KCNQ1: variants seen among roughly 807,000 people sequenced by gnomAD.
The protein encoded by KCNQ1 is potassium voltage-gated channel subfamily KQT member 1.
KCNQ1 carries 49 observed loss-of-function variants against 72.4 expected under a neutral mutation model. The observed-to-expected ratio is 0.68, with a 90% confidence interval of 0.54 to 0.86. The LOEUF is 0.86. Ranked by LOEUF, KCNQ1 falls within the 40% of genes least tolerant of loss-of-function variation. The probability of loss-of-function intolerance (pLI) is 0.00; values close to 1 mark genes in which losing one functional copy is unlikely to be tolerated. For missense variants in KCNQ1, 790 were observed against 945.1 expected (o/e 0.84, Z 2.15); for synonymous variants, 450 against 412.6 (o/e 1.09, Z -1.10).
At chr11:2,524,456 T>C (rs1319555168) in intron 1 of KCNQ1, among the ~76,000 whole-genome samples, 1 of 152,180 alleles carries the variant, frequency 6.6e-6, no homozygotes, top group East Asian at 1.9e-4. Context: ...GGCAGTGATG[T>C]CACAGTCTGG....
intron 1 of KCNQ1, among the ~76,000 whole-genome samples, chr11:2,513,079 C>G (rs952102227): frequency 6.6e-6 from 1 of 152,042 alleles, no homozygotes; most frequent in East Asian, 1.9e-4. Flanking sequence ...AGAGAGCTCC[C>G]GAGGAGAAAG....
intron 2 of KCNQ1, among the ~76,000 whole-genome samples, chr11:2,569,096 G>T (rs1353737248): frequency 2.6e-5 from 4 of 152,160 alleles, no homozygotes; most frequent in African/African-American, 9.7e-5. Context: ...ATGTTGATCA[G>T]GCTGGTCTTG....
chr11:2,712,453 G>A lies in KCNQ1; in HGVS notation c.1514+50372G>A, dbSNP rs2133919294. 6.6e-6 allele frequency among the ~76,000 whole-genome samples: 1 copy of A among 152,318 alleles called. No individual in the cohort carries two copies. On this transcript the variant is annotated intron_variant, in intron 11 of 15. Coordinates refer to ENST00000155840, the MANE Select transcript of KCNQ1 (RefSeq NM_000218.3). The surrounding 1 kb of genome is among the most constrained non-coding windows in gnomAD (Gnocchi z 6.4). ...CTGGAAAGCTGTGGGGAGACTCAGA[G>A]CAGAGCCCCCAGTAATCATAGTGAG... is the stretch of plus-strand genomic sequence containing the variant.
intron 11 of KCNQ1, chr11:2,684,667 G>A (rs1397583480): frequency 5.0e-6 from 2 of 398,552 alleles, no homozygotes; most frequent in African/African-American, 4.1e-5. Context: ...CTTGTTGGAT[G>A]TGCAGGGAGC....
chr11:2,763,053 C>T (rs978516686), intron 11 of KCNQ1, among the ~76,000 whole-genome samples: 1 of 152,142 alleles, frequency 6.6e-6, no homozygotes, highest in African/African-American at 2.4e-5. Flanking sequence ...ATCACCTTGT[C>T]GGTTTCCAAT....
rs576741620 is a variant in KCNQ1 at position 2,750,537 on chromosome 11, G to A, written c.1515-18307G>A. 1.1e-4 allele frequency among the ~76,000 whole-genome samples: 17 copies of A among 152,206 alleles called. No individual in the cohort carries two copies. The highest frequency in any genetic ancestry group is 3.1e-4 in the African/African-American group (13 of 41,444). On this transcript the variant is annotated intron_variant, in intron 11 of 15. Coordinates refer to ENST00000155840, the MANE Select transcript of KCNQ1 (RefSeq NM_000218.3). This position sits in a 1 kb window ranked among gnomAD's most constrained non-coding sequence, Gnocchi z 6.3. ...CCTCTCCTGCCTGGTAACCCTCTCT[G>A]CAGAGGCCCTGGCTGGACCAGTTGC...
chr11:2,644,766 C>G (rs542102868), intron 10 of KCNQ1: 1 of 398,588 alleles, frequency 2.5e-6, no homozygotes, highest in East Asian at 3.6e-5. Flanking sequence ...GGTTTTGATT[C>G]TGGGTGCCTG....
At chr11:2,732,709 C>T (rs1353191590) in intron 11 of KCNQ1, among the ~76,000 whole-genome samples, 1 of 152,222 alleles carries the variant, frequency 6.6e-6, no homozygotes, top group East Asian at 1.9e-4. Flanking sequence ...TTTTCTTCCT[C>T]ACCGGGCCGG....
chr11:2,798,906 C>T (rs527540699), intron 15 of KCNQ1, among the ~76,000 whole-genome samples: 27 of 151,974 alleles, frequency 1.8e-4, no homozygotes, highest in Admixed American at 6.6e-5. Context: ...GCTGGAGGAG[C>T]AGGAACAGGA....
intron 1 of KCNQ1, among the ~76,000 whole-genome samples, chr11:2,504,386 GA>G (rs1847065168): frequency 6.6e-6 from 1 of 151,970 alleles, no homozygotes; most frequent in African/African-American, 2.4e-5. Context: ...AAAAAAAATA[GA>G]AAAATGATTA....
rs1388067738 is a variant in KCNQ1, at chr11:2,673,979, G to GGGGGT, written c.1514+11908_1514+11912dup. ...CAGCCACAAGGGGATGCCCAGCATT[G>GGGGGT]GGGGTGGGGTGGGGGGAGGGCCCTC... On this transcript the variant is annotated intron_variant, in intron 11 of 15. Coordinates refer to ENST00000155840, the MANE Select transcript of KCNQ1 (RefSeq NM_000218.3). The surrounding 1 kb of genome is among the most constrained non-coding windows in gnomAD (Gnocchi z 4.5). The GGGGGT allele has an allele frequency of 2.5e-4, 58 of 235,742 alleles. No homozygotes were observed. The highest frequency in any genetic ancestry group is 1.7e-3 in the Admixed American group (30 of 17,556). The allele number at this position is 235,742 out of a possible 1,614,324, so 14.6% of individuals were successfully genotyped here.
chr11:2,841,745 T>C (rs1422054291), intron 15 of KCNQ1, among the ~76,000 whole-genome samples: 1 of 152,172 alleles, frequency 6.6e-6, no homozygotes, highest in Admixed American at 6.5e-5. Context: ...TCTTGAGATA[T>C]TCCCCCACAG....
intron 15 of KCNQ1, among the ~76,000 whole-genome samples, chr11:2,778,490 G>T (rs968362313): frequency 2.0e-5 from 3 of 152,166 alleles, no homozygotes; most frequent in African/African-American, 7.2e-5. Flanking sequence ...GGGCCCAGCT[G>T]GGATGGGTTC....
intron 11 of KCNQ1, among the ~76,000 whole-genome samples, chr11:2,743,971 C>G (rs1341274281): frequency 6.6e-6 from 1 of 152,214 alleles, no homozygotes; most frequent in Admixed American, 6.5e-5. Context: ...CCTGCCCGTT[C>G]TGGCCTGATC....
At chr11:2,706,399 A>C (rs1353271464) in intron 11 of KCNQ1, among the ~76,000 whole-genome samples, 1 of 152,150 alleles carries the variant, frequency 6.6e-6, no homozygotes. Context: ...TTGGGAGTGG[A>C]TCCTCCAGCC....
rs966664504 is a variant in KCNQ1, at chr11:2,787,279, C to T, written c.1794+9242C>T. ...GAGTAGGAGATTTTTCATTGGCCCT[C>T]ACAATGAAAGCAGAGCCCTTTGAGG... On this transcript the variant is annotated intron_variant, in intron 15 of 15. Coordinates refer to ENST00000155840, the MANE Select transcript of KCNQ1 (RefSeq NM_000218.3). The surrounding 1 kb of genome is among the most constrained non-coding windows in gnomAD (Gnocchi z 6.3). Among the ~76,000 whole-genome samples the T allele has an allele frequency of 1.3e-5, 2 of 152,186 alleles. No individual in the cohort carries two copies. Among genetic ancestry groups the T allele is most frequent in the Non-Finnish European group, 2.9e-5 (2 of 68,040 alleles).
At chr11:2,472,177 G>C (rs1163530824) in intron 1 of KCNQ1, among the ~76,000 whole-genome samples, 2 of 151,652 alleles carry the variant, frequency 1.3e-5, no homozygotes, top group South Asian at 2.1e-4. Context: ...GCACCTTTGT[G>C]TGTATATGTG....
In KCNQ1 at chr11:2,677,681, T is replaced by C. The variant is rs907387560; in HGVS notation, c.1514+15600T>C. The C allele has an allele frequency of 7.5e-6, 3 of 398,512 alleles. No homozygotes were observed. The highest frequency in any genetic ancestry group is 6.2e-5 in the African/African-American group (3 of 48,640). 24.7% of individuals were successfully genotyped at this position (398,512 alleles called of 1,614,324 possible). A position where few individuals can be genotyped will look rare whatever the true frequency, so the allele number is the denominator to read the frequency against. ...ATATGAGATAAAATAATATTTTAACTACTGTTATTTTTCAAATTAACTTCC... is the reference window on the plus strand; with the variant it reads ...ATATGAGATAAAATAATATTTTAACCACTGTTATTTTTCAAATTAACTTCC... On this transcript the variant is annotated intron_variant, in intron 11 of 15. Transcript: ENST00000155840. The surrounding 1 kb of genome is among the most constrained non-coding windows in gnomAD (Gnocchi z 4.5).
rs1849227200 is a variant in KCNQ1 at position 2,624,320 on chromosome 11, C to T, written c.1393+35466C>T. 1 of 398,248 alleles carries T rather than the reference C, an allele frequency of 2.5e-6. No homozygotes were observed. Among genetic ancestry groups the T allele is most frequent in the Non-Finnish European group, 4.4e-6 (1 of 226,016 alleles). The allele number at this position is 398,248 out of a possible 1,614,324, so 24.7% of individuals were successfully genotyped here. ...GTTCTTTATATATTTTGGATGAGTC[C>T]TTTATCAGGTATATCTTTTACAAGT... On this transcript the variant is annotated intron_variant, in intron 10 of 15. Transcript: ENST00000155840. The surrounding 1 kb of genome is among the most constrained non-coding windows in gnomAD (Gnocchi z 4.9).
Sources: gnomAD v4.1 joint callset for allele counts (sites outside exome capture counted in the v4.1 genomes callset) on GRCh38, gnomAD v4.1.1 for gene constraint, Gnocchi (gnomAD v3.1) non-coding constraint, MANE v1.5 for transcripts, NCBI Gene and HGNC (gene_info 2026-07-23, HGNC 2026-07-21) for gene names.